Variants in SENP1 observed in about 807,000 individuals in gnomAD.
SENP1 encodes sentrin-specific protease 1.
SENP1 carries 21 observed loss-of-function variants against 93.0 expected under a neutral mutation model. The ratio of observed to expected loss-of-function variants is 0.23; its 90% CI spans 0.16 to 0.33. The LOEUF is 0.33. SENP1 is among the 10% of genes least tolerant of loss of function. SENP1 has a pLI of 1.00. For missense variants in SENP1, 591 were observed against 758.7 expected (o/e 0.78, Z 2.60); for synonymous variants, 256 against 259.6 (o/e 0.99, Z 0.13).
intron 13 of SENP1, among the ~76,000 whole-genome samples, chr12:48,058,801 A>G (rs1386861727): frequency 6.6e-6 from 1 of 152,190 alleles, no homozygotes; most frequent in African/African-American, 2.4e-5. Context: ...CCGCCTGAAG[A>G]ACACGTAATA....
chr12:48,083,301 T>G (rs1944615932), intron 6 of SENP1, among the ~76,000 whole-genome samples: 1 of 152,074 alleles, frequency 6.6e-6, no homozygotes, highest in Non-Finnish European at 1.5e-5. Flanking sequence ...CAAAGAGAGA[T>G]ACTTTGATGT....
At chr12:48,104,230 T>TAA (rs1946210207) in intron 1 of SENP1, among the ~76,000 whole-genome samples, 1 of 25,904 alleles carries the variant, frequency 3.9e-5, no homozygotes, top group Non-Finnish European at 5.3e-5. Flanking sequence ...GAAAAAAATA[T>TAA]ATATAGAGAG....
intron 9 of SENP1, 120 bp from the exon 10 acceptor site, chr12:48,067,085 A>G (rs190879941): frequency 1.5e-6 from 1 of 680,594 alleles, no homozygotes; most frequent in Admixed American, 2.9e-5. Context: ...CAAGTATGGA[A>G]TAAGTAAAAG....
At chr12:48,063,968 A>G in intron 12 of SENP1, 127 bp from the exon 13 acceptor site, 2 of 936,270 alleles carry the variant, frequency 2.1e-6, no homozygotes, top group Middle Eastern at 5.4e-4. Flanking sequence ...ATTTACTGTT[A>G]ATCAGTTTAC....
chr12:48,073,531 A>G (rs1384127088), intron 8 of SENP1, among the ~76,000 whole-genome samples: 3 of 152,270 alleles, frequency 2.0e-5, no homozygotes, highest in South Asian at 4.1e-4. Flanking sequence ...TAAGTTGCAT[A>G]CCTAAGTACA....
At chr12:48,079,545 T>C (rs1944366276) in intron 6 of SENP1, among the ~76,000 whole-genome samples, 2 of 152,110 alleles carry the variant, frequency 1.3e-5, no homozygotes, top group South Asian at 4.1e-4. Context: ...GAAGCAATAA[T>C]TGCATAGCAT....
chr12:48,093,574 G>C (rs1407804931), intron 4 of SENP1, among the ~76,000 whole-genome samples: 1 of 151,954 alleles, frequency 6.6e-6, no homozygotes, highest in Non-Finnish European at 1.5e-5. Flanking sequence ...CTGAGCCATC[G>C]CACCCAGCCT....
At chr12:48,104,226 AAT>A (rs757263185) in intron 1 of SENP1, among the ~76,000 whole-genome samples, 71 of 53,706 alleles carry the variant, frequency 1.3e-3, no homozygotes, top group East Asian at 4.3e-3. Context: ...AGAAGAAAAA[AAT>A]ATATATAGAG....
chr12:48,077,639 T>C (rs1944195268), intron 6 of SENP1, among the ~76,000 whole-genome samples: 1 of 152,148 alleles, frequency 6.6e-6, no homozygotes. Flanking sequence ...ACATGCAGGT[T>C]TGTTACATAT....
intron 4 of SENP1, among the ~76,000 whole-genome samples, chr12:48,095,804 C>G (rs1275949544): frequency 6.6e-6 from 1 of 152,084 alleles, no homozygotes; most frequent in Non-Finnish European, 1.5e-5. Context: ...TAAGAACAGC[C>G]TAGAGAATGC....
At chr12:48,048,227 T>A in intron 14 of SENP1, 147 bp from the exon 15 acceptor site, 1 of 601,890 alleles carries the variant, frequency 1.7e-6, no homozygotes, top group South Asian at 2.1e-5. Context: ...ATATTATGCT[T>A]AATCTGTAGA....
rs1943209012 is a variant in SENP1, at chr12:48,065,095, ATCAGTTAATTTATGACC to A, written c.1228_1244del (p.Gly410Ter). ...TAATTTCAGGAAATTCATCTTCACT[ATCAGTTAATTTATGACC>A]TTTTTTTTGTGTTTCTTGGACAACA... On this transcript the variant is annotated frameshift_variant, in exon 12 of 18. Transcript: ENST00000549518. LOFTEE classifies it high-confidence loss of function. 6.2e-7 allele frequency: 1 copy of A among 1,603,816 alleles called. No homozygotes were observed. The highest frequency in any genetic ancestry group is 8.5e-7 in the Non-Finnish European group (1 of 1,170,900).
chr12:48,071,727 G>A lies in SENP1; in HGVS notation c.941-6C>T, dbSNP rs866986853. 1.1e-5 allele frequency: 17 copies of A among 1,593,004 alleles called. No individual in the cohort carries two copies. The Admixed American group carries it at 1.8e-4, about 17-fold the overall frequency. ...TAAAATCACAGAGTCTGATCCTAAA[G>A]AAACACAAGAGCATTTCATTAGTAA... On this transcript the variant is annotated splice_polypyrimidine_tract_variant and splice_region_variant and intron_variant, in intron 8 of 17. Transcript: ENST00000549518.
In SENP1 at chr12:48,104,244, G is replaced by T. The variant is rs1234601239; in HGVS notation, c.-45+1784C>A. Among the ~76,000 whole-genome samples the T allele has an allele frequency of 6.5e-3, 305 of 46,782 alleles. 3 individuals are homozygous for T. Among genetic ancestry groups the T allele is most frequent in the East Asian group, 0.023 (18 of 784 alleles). 30.7% of individuals were successfully genotyped at this position (46,782 alleles called of 152,430 possible). Reference sequence around the variant, plus strand: ...AGAAAAAAATATATATAGAGAGAGAGAGAGAGAGAGACGGGGGGGGGGGGG... The same window carrying T: ...AGAAAAAAATATATATAGAGAGAGATAGAGAGAGAGACGGGGGGGGGGGGG... On this transcript the variant is annotated intron_variant, in intron 1 of 17. Transcript: ENST00000549518.
chr12:48,105,488 ATGG>A, intron 1 of SENP1: 1 of 519,142 alleles, frequency 1.9e-6, no homozygotes, highest in Non-Finnish European at 3.8e-6. Context: ...TTTCTTTCTG[ATGG>A]TGGCACTAGC....
chr12:48,102,810 CAAAAAAA>C (rs1221712691), intron 1 of SENP1, among the ~76,000 whole-genome samples: 5 of 83,144 alleles, frequency 6.0e-5, no homozygotes, highest in African/African-American at 2.0e-4. Context: ...GACTCCGTCT[CAAAAAAA>C]AAAAAAAAAA....
At chr12:48,074,091 A>G (rs1565774474) in intron 8 of SENP1, among the ~76,000 whole-genome samples, 1 of 152,218 alleles carries the variant, frequency 6.6e-6, no homozygotes, top group Non-Finnish European at 1.5e-5. Context: ...GCATTATACA[A>G]TTTGAGCATC....
intron 9 of SENP1, among the ~76,000 whole-genome samples, chr12:48,069,051 G>A (rs1382152810): frequency 6.6e-6 from 1 of 150,482 alleles, no homozygotes; most frequent in Non-Finnish European, 1.5e-5. Flanking sequence ...TACCCTGGAG[G>A]GTAAGGCACG....
intron 13 of SENP1, chr12:48,054,897 C>T (rs942544206): frequency 6.4e-6 from 1 of 156,570 alleles, no homozygotes; most frequent in Non-Finnish European, 1.4e-5. Context: ...TACATATAAA[C>T]ATATATATGT....
Sources: gnomAD v4.1 joint callset for allele counts (sites outside exome capture counted in the v4.1 genomes callset) on GRCh38, gnomAD v4.1.1 for gene constraint, MANE v1.5 for transcripts, NCBI Gene and HGNC (gene_info 2026-07-23, HGNC 2026-07-21) for gene names.